The following RALYL variants were observed in gnomAD, a reference collection of about 807,000 sequenced individuals.
RALYL encodes RALY RNA binding protein like, also known as RNA-binding Raly-like protein.
In RALYL, 29 loss-of-function variants were observed where a neutral mutation model predicts 35.1. The ratio of observed to expected loss-of-function variants is 0.83; its 90% CI spans 0.61 to 1.13. The LOEUF (loss-of-function observed/expected upper bound fraction) is 1.13, where lower values mean the gene tolerates loss of function less well. Among genes scored for constraint, RALYL ranks in the 50% most tolerant of loss-of-function variants. RALYL has a pLI of 0.00. For synonymous variants in RALYL, 120 were observed against 127.6 expected, an observed-to-expected ratio of 0.94 and a Z score of 0.40; for missense variants, 359 against 360.4, an observed-to-expected ratio of 1.00 and a Z score of 0.03.
chr8:84,497,006 A>G (rs943512012), intron 1 of RALYL, among the ~76,000 whole-genome samples: 1 of 152,144 alleles, frequency 6.6e-6, no homozygotes, highest in Non-Finnish European at 1.5e-5. Flanking sequence ...TATGTTTTTT[A>G]TTAGTAACTG....
intron 5 of RALYL, among the ~76,000 whole-genome samples, chr8:84,850,783 T>A (rs1328711851): frequency 6.6e-6 from 1 of 152,212 alleles, no homozygotes; most frequent in African/African-American, 2.4e-5. Context: ...TGTTGGATAC[T>A]CCTCTCTAAG....
At chr8:84,263,048 A>G (rs1294638351) in intron 1 of RALYL, among the ~76,000 whole-genome samples, 3 of 152,174 alleles carry the variant, frequency 2.0e-5, no homozygotes, top group African/African-American at 7.2e-5. Context: ...TTTAAAATAT[A>G]CTATCCTGAC....
intron 1 of RALYL, among the ~76,000 whole-genome samples, chr8:84,435,701 C>T (rs985696666): frequency 6.6e-6 from 1 of 152,148 alleles, no homozygotes; most frequent in South Asian, 2.1e-4. Context: ...TCAGGGTAAT[C>T]ACTACCATAC....
chr8:84,758,121 C>T (rs1220419813), intron 2 of RALYL, among the ~76,000 whole-genome samples: 1 of 151,996 alleles, frequency 6.6e-6, no homozygotes, highest in African/African-American at 2.4e-5. Flanking sequence ...GGTTTTATTC[C>T]ATTCGTAATC....
intron 1 of RALYL, among the ~76,000 whole-genome samples, chr8:84,487,803 A>T (rs901157569): frequency 6.6e-6 from 1 of 152,130 alleles, no homozygotes; most frequent in African/African-American, 2.4e-5. Context: ...AGTTTACTTT[A>T]TAATGAATTT....
intron 7 of RALYL, among the ~76,000 whole-genome samples, chr8:84,878,782 G>T (rs1309008560): frequency 6.6e-6 from 1 of 150,810 alleles, no homozygotes; most frequent in Non-Finnish European, 1.5e-5. Flanking sequence ...AACTCTCCCA[G>T]AAAATATGGA....
At chr8:84,190,327 G>A (rs1321571858) in intron 1 of RALYL, among the ~76,000 whole-genome samples, 1 of 152,146 alleles carries the variant, frequency 6.6e-6, no homozygotes, top group Non-Finnish European at 1.5e-5. Context: ...ACACATATAA[G>A]TGTAACATAT....
chr8:84,253,870 A>G (rs941207315), intron 1 of RALYL, among the ~76,000 whole-genome samples: 4 of 152,112 alleles, frequency 2.6e-5, no homozygotes, highest in African/African-American at 7.2e-5. Context: ...CCTACTGCCA[A>G]TCTCTTATTC....
chr8:84,238,781 G>A (rs893060210), intron 1 of RALYL, among the ~76,000 whole-genome samples: 1 of 152,086 alleles, frequency 6.6e-6, no homozygotes, highest in Non-Finnish European at 1.5e-5. Flanking sequence ...CATCCATGTG[G>A]GCACAGAGTG....
intron 1 of RALYL, among the ~76,000 whole-genome samples, chr8:84,321,475 T>C (rs1444609906): frequency 6.6e-6 from 1 of 152,094 alleles, no homozygotes; most frequent in Non-Finnish European, 1.5e-5. Context: ...CTAGAGCCTA[T>C]GGAATAACAC....
At chr8:84,315,322 G>T (rs1039457504) in intron 1 of RALYL, among the ~76,000 whole-genome samples, 47 of 152,084 alleles carry the variant, frequency 3.1e-4, no homozygotes, top group Admixed American at 2.7e-3. Context: ...ATGTACTGAT[G>T]GGAGATAATC....
intron 1 of RALYL, among the ~76,000 whole-genome samples, chr8:84,299,394 A>G (rs551882306): frequency 1.0e-3 from 153 of 151,918 alleles, no homozygotes; most frequent in African/African-American, 3.4e-3. Context: ...AAATTTTTGC[A>G]TCTTTGTATA....
intron 2 of RALYL, among the ~76,000 whole-genome samples, chr8:84,534,702 A>G (rs1219601770): frequency 6.6e-6 from 1 of 152,132 alleles, no homozygotes; most frequent in African/African-American, 2.4e-5. Flanking sequence ...AGGAGAAATA[A>G]GAAGAGAACA....
chr8:84,303,790 C>T lies in RALYL; in HGVS notation c.-24+119366C>T, dbSNP rs543566630. Reference sequence around the variant, plus strand: ...TTAGGGAAATATATCACATGCATGCCTCTATGATTTATGGGTATTTCCATT... The same window carrying T: ...TTAGGGAAATATATCACATGCATGCTTCTATGATTTATGGGTATTTCCATT... On this transcript the variant is annotated intron_variant, in intron 1 of 8. Coordinates refer to ENST00000521268, the MANE Select transcript of RALYL (RefSeq NM_173848.7). Among the ~76,000 whole-genome samples, 9 of 152,168 alleles carry T rather than the reference C, an allele frequency of 5.9e-5. No individual in the cohort carries two copies. In the South Asian group the frequency reaches 1.9e-3, roughly 32 times the overall value.
At chr8:84,235,632 C>T (rs907406328) in intron 1 of RALYL, among the ~76,000 whole-genome samples, 1 of 152,114 alleles carries the variant, frequency 6.6e-6, no homozygotes, top group Non-Finnish European at 1.5e-5. Context: ...AGCAGAGATG[C>T]TAAAACCTCA....
intron 2 of RALYL, among the ~76,000 whole-genome samples, chr8:84,720,530 A>G (rs1422210672): frequency 6.6e-6 from 1 of 152,162 alleles, no homozygotes; most frequent in Non-Finnish European, 1.5e-5. Flanking sequence ...TATGTACTAT[A>G]AAAAGACTAG....
intron 1 of RALYL, among the ~76,000 whole-genome samples, chr8:84,360,802 G>C (rs1408661160): frequency 1.3e-5 from 2 of 151,990 alleles, no homozygotes; most frequent in African/African-American, 4.8e-5. Context: ...CATTGTCATG[G>C]TTTTCTCACA....
At chr8:84,913,040 G>GTAGATAGATAGATAGATAGA (rs1554650721) in intron 8 of RALYL, among the ~76,000 whole-genome samples, 39 of 130,142 alleles carry the variant, frequency 3.0e-4, no homozygotes, top group African/African-American at 8.6e-4. Context: ...GGATAGGTAG[G>GTAGATAGATAGATAGATAGA]TAGATAGATA....
At chr8:84,409,218 T>C (rs975303118) in intron 1 of RALYL, among the ~76,000 whole-genome samples, 5 of 152,128 alleles carry the variant, frequency 3.3e-5, no homozygotes, top group African/African-American at 7.2e-5. Context: ...TTTTATTTCA[T>C]TGAGTTCTCA....
Sources: gnomAD v4.1 joint callset for allele counts (sites outside exome capture counted in the v4.1 genomes callset) on GRCh38, gnomAD v4.1.1 for gene constraint, MANE v1.5 for transcripts, NCBI Gene and HGNC (gene_info 2026-07-23, HGNC 2026-07-21) for gene names.